The following SLC4A4 variants were observed in gnomAD, a reference collection of about 807,000 sequenced individuals.
SLC4A4 encodes the protein electrogenic sodium bicarbonate cotransporter 1.
SLC4A4 carries 27 observed loss-of-function variants against 111.5 expected under a neutral mutation model. The observed-to-expected ratio is 0.24, with a 90% CI of 0.18 to 0.33. SLC4A4 has a LOEUF of 0.33. Among genes scored for constraint, SLC4A4 ranks in the 10% least tolerant of loss-of-function variants. The pLI is 1.00. For missense variants in SLC4A4, 909 were observed against 1,315.5 expected (o/e 0.69, Z 4.78); for synonymous variants, 443 against 463.4 (o/e 0.96, Z 0.57).
At chr4:71,241,828 T>C (rs900007086) in intron 2 of SLC4A4, among the ~76,000 whole-genome samples, 1 of 152,196 alleles carries the variant, frequency 6.6e-6, no homozygotes, top group African/African-American at 2.4e-5. Flanking sequence ...AAGTTGGTAC[T>C]TGAATAGTAA....
chr4:71,403,901 T>C (rs772989908), intron 7 of SLC4A4, among the ~76,000 whole-genome samples: 3 of 152,082 alleles, frequency 2.0e-5, no homozygotes, highest in Non-Finnish European at 2.9e-5. Context: ...AATATCCCAG[T>C]GCATTAAAAT....
At chr4:71,084,714 TC>T (rs1200419906) in intron 1 of SLC4A4, among the ~76,000 whole-genome samples, 1 of 152,054 alleles carries the variant, frequency 6.6e-6, no homozygotes, top group East Asian at 1.9e-4. Flanking sequence ...TTCATCCATG[TC>T]CCTACAAAGG....
At chr4:71,453,426 G>A (rs1427192414) in intron 11 of SLC4A4, 69 bp from the exon 12 acceptor site, 2 of 1,435,240 alleles carry the variant, frequency 1.4e-6, no homozygotes, top group Non-Finnish European at 2.0e-6. Context: ...GATTTAATGA[G>A]TTACCTCTTG....
chr4:71,531,747 C>T (rs1199041917), intron 16 of SLC4A4, among the ~76,000 whole-genome samples: 2 of 129,588 alleles, frequency 1.5e-5, no homozygotes, highest in Admixed American at 8.7e-5. Flanking sequence ...TGATTGCCCT[C>T]CCTGCCTACA....
intron 17 of SLC4A4, among the ~76,000 whole-genome samples, chr4:71,533,970 C>T (rs760355596): frequency 6.6e-6 from 1 of 151,918 alleles, no homozygotes; most frequent in South Asian, 2.1e-4. Context: ...TTAAACCATC[C>T]CAAATATGCA....
At chr4:71,437,332 A>G (rs893335833) in intron 7 of SLC4A4, 3 of 358,766 alleles carry the variant, frequency 8.4e-6, no homozygotes, top group Non-Finnish European at 1.6e-5. Flanking sequence ...AAATACACTC[A>G]ATTTCCAGAA....
chr4:71,304,038 G>A (rs962649335), intron 3 of SLC4A4, among the ~76,000 whole-genome samples: 3 of 152,180 alleles, frequency 2.0e-5, no homozygotes, highest in Admixed American at 6.5e-5. Context: ...ACTTTGGCCT[G>A]ATTCATAGAG....
intron 14 of SLC4A4, among the ~76,000 whole-genome samples, chr4:71,485,183 G>C (rs1330263502): frequency 6.6e-6 from 1 of 151,798 alleles, no homozygotes; most frequent in Non-Finnish European, 1.5e-5. Flanking sequence ...ATGTTGAATA[G>C]GAGTGGTGAG....
chr4:71,499,938 T>C (rs1362384844), intron 16 of SLC4A4, among the ~76,000 whole-genome samples: 3 of 152,216 alleles, frequency 2.0e-5, no homozygotes, highest in African/African-American at 7.2e-5. Flanking sequence ...TTTGGATACA[T>C]ACACAGAAGT....
At chr4:71,414,268 T>C (rs575918481) in intron 7 of SLC4A4, among the ~76,000 whole-genome samples, 6 of 152,352 alleles carry the variant, frequency 3.9e-5, no homozygotes, top group African/African-American at 1.4e-4. Context: ...TGAAGGGACC[T>C]GCAGGTGAGG....
At chr4:71,350,196 T>C (rs920341767) in intron 5 of SLC4A4, 124 bp downstream of exon 5, 4 of 985,774 alleles carry the variant, frequency 4.1e-6, no homozygotes, top group Non-Finnish European at 6.2e-6. Flanking sequence ...TTCTCTCTTT[T>C]TGCATTATAA....
intron 15 of SLC4A4, among the ~76,000 whole-genome samples, chr4:71,488,943 C>G (rs890550611): frequency 4.8e-5 from 7 of 145,350 alleles, no homozygotes; most frequent in Non-Finnish European, 9.0e-5. Context: ...TGAAGGCCAA[C>G]TTTTATTTTA....
chr4:71,472,353 G>T (rs1727956661), intron 13 of SLC4A4, among the ~76,000 whole-genome samples: 1 of 151,764 alleles, frequency 6.6e-6, no homozygotes, highest in African/African-American at 2.4e-5. Context: ...AACGTTTATT[G>T]AACACATTCT....
intron 6 of SLC4A4, among the ~76,000 whole-genome samples, chr4:71,379,574 C>T (rs1286201518): frequency 1.3e-5 from 2 of 152,104 alleles, no homozygotes; most frequent in African/African-American, 2.4e-5. Flanking sequence ...AACCCCCTTC[C>T]CCCATTGACT....
At chr4:71,468,373 C>T (rs1727568829) in intron 13 of SLC4A4, among the ~76,000 whole-genome samples, 1 of 152,044 alleles carries the variant, frequency 6.6e-6, no homozygotes, top group South Asian at 2.1e-4. Flanking sequence ...GAGCCTTAAT[C>T]TACAGAAAAT....
At chr4:71,493,703 C>T (rs779495660) in intron 15 of SLC4A4, among the ~76,000 whole-genome samples, 8 of 150,704 alleles carry the variant, frequency 5.3e-5, no homozygotes, top group Non-Finnish European at 1.0e-4. Context: ...CTCTCTCTCT[C>T]CTTTCTCCAT....
intron 8 of SLC4A4, among the ~76,000 whole-genome samples, chr4:71,444,542 A>G (rs75107242): frequency 0.021 from 3,148 of 152,274 alleles, 55 homozygotes; most frequent in Non-Finnish European, 0.03. Flanking sequence ...ATTTGTTAAT[A>G]GAGAAAAAAG....
intron 6 of SLC4A4, among the ~76,000 whole-genome samples, chr4:71,373,778 A>G (rs1732094997): frequency 6.6e-6 from 1 of 152,138 alleles, no homozygotes; most frequent in Admixed American, 6.6e-5. Flanking sequence ...TTAAGCTAGG[A>G]TTGCGACTGT....
Position 71,398,320 on chromosome 4 carries a change from T to C in SLC4A4, c.807+667T>C, listed in dbSNP as rs576358873. ...AAAAAAAAGAAATGCTAAGAAATGC[T>C]GAAATTGTTGTTAACTTTTGGGGGA... On this transcript the variant is annotated intron_variant, in intron 7 of 25. Coordinates refer to ENST00000264485, the MANE Select transcript of SLC4A4 (RefSeq NM_001098484.3). Among the ~76,000 whole-genome samples, 3 of 151,596 alleles carry C rather than the reference T, an allele frequency of 2.0e-5. No homozygotes were observed. The South Asian group carries it at 6.3e-4, about 32-fold the overall frequency.
Sources: allele counts gnomAD v4.1 joint callset (sites outside exome capture counted in the v4.1 genomes callset), GRCh38; gene constraint gnomAD v4.1.1; transcripts MANE v1.5; gene names NCBI Gene and HGNC (gene_info 2026-07-23, HGNC 2026-07-21).